The following EPB42 variants were observed in gnomAD, a reference collection of about 807,000 sequenced individuals.
EPB42 encodes the protein protein 4.2.
A neutral mutation model predicts 76.9 loss-of-function variants in EPB42; 49 were observed. The ratio of observed to expected loss-of-function variants is 0.64; its 90% CI spans 0.51 to 0.81. The LOEUF (loss-of-function observed/expected upper bound fraction) is 0.81, where lower values mean the gene tolerates loss of function less well. Among genes scored for constraint, EPB42 ranks in the 30% least tolerant of loss-of-function variants. The pLI, the probability that EPB42 is intolerant of heterozygous loss-of-function variation, is 0.00. For synonymous variants in EPB42, 310 were observed against 338.4 expected, an observed-to-expected ratio of 0.92 and a Z score of 0.92; for missense variants, 731 against 867.6, an observed-to-expected ratio of 0.84 and a Z score of 1.98.
upstream of EPB42, among the ~76,000 whole-genome samples, chr15:43,221,480 G>A (rs987821508): frequency 1.3e-5 from 2 of 152,168 alleles, no homozygotes. Flanking sequence ...TACCTGGTCT[G>A]GGACCCTCTA....
intron 11 of EPB42, among the ~76,000 whole-genome samples, 183 bp from the exon 12 acceptor site, chr15:43,202,160 C>T (rs756513113): frequency 5.9e-5 from 9 of 152,172 alleles, no homozygotes; most frequent in Non-Finnish European, 1.3e-4. Context: ...CACCCTTGGT[C>T]CTTCACTGAT....
chr15:43,209,336 G>A lies in EPB42; in HGVS notation c.770C>T (p.Thr257Ile), dbSNP rs757749223. Residue 257 changes from threonine (T) to isoleucine (I), a missense_variant, in exon 6 of 13, where the codon ACC (threonine) becomes ATC (isoleucine). Coordinates refer to ENST00000441366, the MANE Select transcript of EPB42 (RefSeq NM_001114134.2). ...GSVPILRQWL[T>I]GRGRPVYDGQ... ...ATCATACACAGGTCGGCCTCGGCCG[G>A]TGAGCCACTGCCGCAGGATGGGCAC... 3.7e-6 allele frequency: 6 copies of A among 1,614,132 alleles called. No homozygotes were observed. The South Asian group carries it at 6.6e-5, about 18-fold the overall frequency.
intron 3 of EPB42, among the ~76,000 whole-genome samples, chr15:43,212,149 C>T (rs1418086021): frequency 6.6e-6 from 1 of 152,010 alleles, no homozygotes; most frequent in Admixed American, 6.6e-5. Flanking sequence ...GGGTGGATCA[C>T]CTGAGGTCAG....
rs762610754 is a variant in EPB42 at position 43,210,459 on chromosome 15, G to T, written c.550-20C>A. On this transcript the variant is annotated intron_variant, in intron 4 of 12. Coordinates refer to ENST00000441366, the MANE Select transcript of EPB42 (RefSeq NM_001114134.2). ...CTCGAACTGTTAAGGATCACACAGG[G>T]CCATGATGAAGGGTCCCCACACAGG... is the stretch of plus-strand genomic sequence containing the variant. 4.3e-6 allele frequency: 7 copies of T among 1,609,292 alleles called. No individual in the cohort carries two copies. In the Admixed American group the frequency reaches 8.3e-5, roughly 19 times the overall value.
At chr15:43,205,709 A>T (rs571026139) in intron 10 of EPB42, among the ~76,000 whole-genome samples, 2 of 152,118 alleles carry the variant, frequency 1.3e-5, no homozygotes, top group Non-Finnish European at 2.9e-5. Context: ...CCACCATAGA[A>T]TCTGTCATTT....
rs772442237 is a variant in EPB42 at position 43,215,092 on chromosome 15, T to C, written c.430+3A>G. 15 of 1,613,564 alleles carry C rather than the reference T, an allele frequency of 9.3e-6. No homozygotes were observed. The East Asian group carries it at 3.3e-4, about 36-fold the overall frequency. The stretch of plus-strand genomic sequence containing the variant: ...GCCCAGGCTGGCCCAGGTCCAAACT[T>C]ACCTCTATTCCAGGGGTTAAAAAGC... On this transcript the variant is annotated splice_donor_region_variant and intron_variant, in intron 3 of 12. Transcript: ENST00000441366.
upstream of EPB42, among the ~76,000 whole-genome samples, chr15:43,221,316 G>A (rs992361644): frequency 6.6e-6 from 1 of 152,198 alleles, no homozygotes; most frequent in Admixed American, 6.5e-5. Flanking sequence ...CGTGACAGGG[G>A]CTGCAAGTTG....
intron 3 of EPB42, 50 bp from the exon 4 acceptor site, chr15:43,211,584 C>T: frequency 1.6e-6 from 2 of 1,216,840 alleles, no homozygotes; most frequent in Non-Finnish European, 2.4e-6. Flanking sequence ...CTAGGTCCAC[C>T]CTCCACATCC....
rs2042052525 is a variant in EPB42, at chr15:43,197,330, G to A, written c.2048C>T (p.Thr683Ile). ...FQNLTNYKSVTVVAPELSA is the reference protein window; with the variant it reads ...FQNLTNYKSVIVVAPELSA ...AGCTGATAGTTCAGGGGCTACCACG[G>A]TGACGCTTTTATAGTTGGTTAGGTT... The change falls in exon 13 of 13, where the codon ACC becomes ATC. Residue 683 changes from threonine (T) to isoleucine (I), a missense_variant. Thr to Ile is a moderately conservative substitution (Grantham distance 89). Transcript: ENST00000441366. 3 of 1,614,214 alleles carry A rather than the reference G, an allele frequency of 1.9e-6. No individual in the cohort carries two copies. Among genetic ancestry groups the A allele is most frequent in the Non-Finnish European group, 2.5e-6 (3 of 1,180,046 alleles).
chr15:43,208,869 T>C lies in EPB42; in HGVS notation c.833-94A>G, dbSNP rs60481556. 11,408 of 1,439,192 alleles carry C rather than the reference T, an allele frequency of 7.9e-3. 609 individuals carry two copies. In the African/African-American group the frequency reaches 0.12, roughly 15 times the overall value. 89.2% of individuals were successfully genotyped at this position (1,439,192 alleles called of 1,614,324 possible). On this transcript the variant is annotated intron_variant, in intron 6 of 12. Coordinates refer to ENST00000441366, the MANE Select transcript of EPB42 (RefSeq NM_001114134.2). ...GATTTTCAGTGTCTCCTCTGGGCAC[T>C]GAAAACTTGGAAAGAAGAGGAGTGC...
chr15:43,198,788 C>A (rs897424332), intron 12 of EPB42, among the ~76,000 whole-genome samples: 1 of 152,150 alleles, frequency 6.6e-6, no homozygotes, highest in African/African-American at 2.4e-5. Context: ...GTTTAGTGGG[C>A]CAGGCCCAGG....
At chr15:43,214,671 G>C (rs2042350677) in intron 3 of EPB42, among the ~76,000 whole-genome samples, 1 of 152,058 alleles carries the variant, frequency 6.6e-6, no homozygotes, top group South Asian at 2.1e-4. Flanking sequence ...GTGCACTCTG[G>C]AAACAGAATA....
At chr15:43,203,373 G>C (rs780270544) in intron 10 of EPB42, 98 bp from the exon 11 acceptor site, 6 of 1,479,352 alleles carry the variant, frequency 4.1e-6, no homozygotes, top group Non-Finnish European at 5.6e-6. Flanking sequence ...GGGCCTCACT[G>C]AGGCCAGAAA....
At position 43,207,436 on chromosome 15, in the gene EPB42, C is replaced by T. The variant is rs928097653; in HGVS notation, c.1081G>A (p.Gly361Arg). The T allele has an allele frequency of 6.2e-7, 1 of 1,613,686 alleles. No homozygotes were observed. The highest frequency in any genetic ancestry group is 8.5e-7 in the Non-Finnish European group (1 of 1,180,030). The part of the protein sequence containing the change: ...PSAPNGGGVL[G>R]SCDLVPVRAV... ...CTGACCGGCACCAGATCACAGGACCCCAGGACTGAGGGAGAGAAAGGTTGG... is the reference window on the plus strand; with the variant it reads ...CTGACCGGCACCAGATCACAGGACCTCAGGACTGAGGGAGAGAAAGGTTGG... Residue 361 changes from glycine (G) to arginine (R), a missense_variant, in exon 9 of 13, where the codon GGG (glycine) becomes AGG (arginine). Gly to Arg is a moderately radical substitution (Grantham distance 125). Coordinates refer to ENST00000441366, the MANE Select transcript of EPB42 (RefSeq NM_001114134.2).
At chr15:43,200,843 C>T (rs1057434898) in intron 12 of EPB42, among the ~76,000 whole-genome samples, 10 of 145,772 alleles carry the variant, frequency 6.9e-5, no homozygotes. Flanking sequence ...GAGATGGAGT[C>T]TCGCTCTTTC....
chr15:43,223,542 G>A (rs1034009789), upstream of EPB42, among the ~76,000 whole-genome samples: 3 of 152,142 alleles, frequency 2.0e-5, no homozygotes, highest in Non-Finnish European at 4.4e-5. Context: ...TAATAAAAAT[G>A]CAAAATAAAA....
intron 6 of EPB42, 79 bp from the exon 7 acceptor site, chr15:43,208,854 GTCT>G: frequency 6.6e-7 from 1 of 1,510,172 alleles, no homozygotes; most frequent in Non-Finnish European, 9.0e-7. Flanking sequence ...GATTTTCAGT[GTCT>G]CCTCTGGGCA....
At chr15:43,214,156 G>A (rs922682609) in intron 3 of EPB42, among the ~76,000 whole-genome samples, 1 of 152,256 alleles carries the variant, frequency 6.6e-6, no homozygotes, top group Non-Finnish European at 1.5e-5. Flanking sequence ...CCTTCAGGGA[G>A]CCCAAGGTTG....
At chr15:43,221,132 G>T, upstream of EPB42, 3 of 417,220 alleles carry the variant, frequency 7.2e-6, no homozygotes, top group East Asian at 1.1e-4. Context: ...GGGGGAGGGG[G>T]TGGGATGGGG....
Sources: allele counts gnomAD v4.1 joint callset (sites outside exome capture counted in the v4.1 genomes callset), GRCh38; gene constraint gnomAD v4.1.1; transcripts MANE v1.5; gene names NCBI Gene and HGNC (gene_info 2026-07-23, HGNC 2026-07-21).